KIF1B: variants seen among roughly 807,000 people sequenced by gnomAD.
The protein encoded by KIF1B is kinesin family member 1B.
Under a neutral mutation model 241.9 loss-of-function variants are expected in KIF1B, and 76 were observed. The ratio of observed to expected loss-of-function variants is 0.31; its 90% CI spans 0.26 to 0.38. The LOEUF (loss-of-function observed/expected upper bound fraction) is 0.38. Ranked by LOEUF, KIF1B falls within the 10% of genes least tolerant of loss-of-function variation. KIF1B has a pLI of 1.00. For synonymous variants in KIF1B, 750 were observed against 796.7 expected (o/e 0.94, Z 0.99); for missense variants, 1,622 against 2,271.4 (o/e 0.71, Z 5.81).
Position 10,303,574 on chromosome 1 carries a change from G to A in KIF1B, c.2115+6328G>A, listed in dbSNP as rs1265101663. The A allele has an allele frequency of 1.2e-6, 2 of 1,614,052 alleles. No homozygotes were observed. The highest frequency in any genetic ancestry group is 1.3e-5 in the African/African-American group (1 of 74,914). ...GGCCAGGGACGTCTGGGATACCGTC[G>A]GTGTTGGGGATGAGAAGATCGAAGA... On this transcript the variant is annotated intron_variant, in intron 22 of 48. Coordinates refer to ENST00000676179, the MANE Select transcript of KIF1B (RefSeq NM_001365951.3). This position sits in a 1 kb window ranked among gnomAD's most constrained non-coding sequence, Gnocchi z 5.2.
chr1:10,369,467 A>T (rs1051068608), intron 44 of KIF1B, among the ~76,000 whole-genome samples: 1 of 152,180 alleles, frequency 6.6e-6, no homozygotes, highest in African/African-American at 2.4e-5. Flanking sequence ...CCCTATCTCT[A>T]CAAAAAAATT....
Position 10,374,838 on chromosome 1 carries a change from A to T in KIF1B, c.5097-16A>T. On this transcript the variant is annotated splice_polypyrimidine_tract_variant and intron_variant, in intron 46 of 48. Transcript: ENST00000676179. The surrounding 1 kb of genome is among the most constrained non-coding windows in gnomAD (Gnocchi z 4.3). ...TTTTTGTGAGAAACTAACTTTTGTC[A>T]TATTGTCGTTTTTAGCTCAGTGGTC... The T allele has an allele frequency of 6.2e-7, 1 of 1,612,990 alleles. No individual in the cohort carries two copies. Among genetic ancestry groups the T allele is most frequent in the South Asian group, 1.1e-5 (1 of 91,050 alleles).
rs774131376 is a variant in KIF1B, at chr1:10,291,102, T to C, written c.1455T>C (p.Ala485=). 6.2e-7 allele frequency: 1 copy of C among 1,613,540 alleles called. No homozygotes were observed. ...CTTAGGAATCAGAGAAGATCATTGC[T>C]GAGTTGAATGAAACTTGGGAAGAGA... ...ERLKESEKII[A]ELNETWEEKL... The change falls in exon 16 of 49, where the codon GCT becomes GCC. Residue 485 remains alanine (A), a synonymous_variant. Transcript: ENST00000676179.
At chr1:10,350,421 G>A (rs568990974) in intron 37 of KIF1B, among the ~76,000 whole-genome samples, 21 of 152,274 alleles carry the variant, frequency 1.4e-4, no homozygotes, top group Admixed American at 1.3e-3. Flanking sequence ...TTAGCCAGGC[G>A]TGGTGGTGGG....
intron 27 of KIF1B, among the ~76,000 whole-genome samples, chr1:10,329,648 G>T (rs1651846695): frequency 6.6e-6 from 1 of 152,104 alleles, no homozygotes; most frequent in East Asian, 1.9e-4. Flanking sequence ...CAGGAGAATT[G>T]CTTGAACCCG....
rs192671253 is a variant in KIF1B, at chr1:10,291,491, A to G, written c.1514+330A>G. Among the ~76,000 whole-genome samples, 3 of 152,220 alleles carry G rather than the reference A, an allele frequency of 2.0e-5. No homozygotes were observed. In the South Asian group the frequency reaches 6.2e-4, roughly 32 times the overall value. ...TTTGGGAGGCTGAGGTGGGCAGATC[A>G]CGAGGTCGGGAGATCGAGACCATCC... is the stretch of plus-strand genomic sequence containing the variant. On this transcript the variant is annotated intron_variant, in intron 16 of 48. Transcript: ENST00000676179.
At chr1:10,287,397 A>G (rs752299291) in intron 15 of KIF1B, among the ~76,000 whole-genome samples, 29 of 152,108 alleles carry the variant, frequency 1.9e-4, no homozygotes, top group East Asian at 1.9e-4. Flanking sequence ...GGGTTTCACC[A>G]TGTGAGCCAG....
At chr1:10,369,310 AGG>A (rs1212751576) in intron 44 of KIF1B, among the ~76,000 whole-genome samples, 1 of 152,220 alleles carries the variant, frequency 6.6e-6, no homozygotes, top group Non-Finnish European at 1.5e-5. Context: ...AGTACATGGA[AGG>A]TGCACCACTG....
chr1:10,370,990 T>C (rs1638717154), intron 44 of KIF1B, 151 bp from the exon 45 acceptor site: 1 of 886,222 alleles, frequency 1.1e-6, no homozygotes, highest in African/African-American at 1.7e-5. Context: ...TATTTATTTA[T>C]TGATAAATTA....
At chr1:10,333,784 C>CT (rs1652052530) in intron 27 of KIF1B, among the ~76,000 whole-genome samples, 1 of 152,082 alleles carries the variant, frequency 6.6e-6, no homozygotes, top group African/African-American at 2.4e-5. Context: ...ATTTCCCTGC[C>CT]TTTTTTGTCT....
intron 2 of KIF1B, among the ~76,000 whole-genome samples, chr1:10,248,316 C>T (rs1327391759): frequency 6.6e-6 from 1 of 152,110 alleles, no homozygotes; most frequent in East Asian, 1.9e-4. Flanking sequence ...CTTTCTGCCT[C>T]AGCTTCCTGA....
chr1:10,343,412 C>T, intron 34 of KIF1B, 125 bp downstream of exon 34: 1 of 912,902 alleles, frequency 1.1e-6, no homozygotes, highest in Non-Finnish European at 1.8e-6. Flanking sequence ...TGTATTCCTG[C>T]TCCTCTTGTA....
In KIF1B at chr1:10,326,075, C is replaced by T; in HGVS notation, c.2676-36C>T. 2 of 1,613,006 alleles carry T rather than the reference C, an allele frequency of 1.2e-6. No homozygotes were observed. ...TGTTTAACCAACTATTCCTCTCTCCCTGGCTGTGTTAATTGGCGTCTTACC... is the reference window on the plus strand; with the variant it reads ...TGTTTAACCAACTATTCCTCTCTCCTTGGCTGTGTTAATTGGCGTCTTACC... On this transcript the variant is annotated intron_variant, in intron 26 of 48. Transcript: ENST00000676179. The surrounding 1 kb of genome is among the most constrained non-coding windows in gnomAD (Gnocchi z 5.2).
intron 5 of KIF1B, 56 bp from the exon 6 acceptor site, chr1:10,267,324 G>A (rs967312320): frequency 5.7e-5 from 89 of 1,548,134 alleles, no homozygotes; most frequent in African/African-American, 1.4e-4. Context: ...CACCGCGCCC[G>A]GCTTCTGTAT....
At chr1:10,222,455 G>A (rs969116501) in intron 1 of KIF1B, among the ~76,000 whole-genome samples, 2 of 152,146 alleles carry the variant, frequency 1.3e-5, no homozygotes, top group Non-Finnish European at 2.9e-5. Flanking sequence ...TTAAGGAGAG[G>A]CAATGGCATG....
intron 15 of KIF1B, among the ~76,000 whole-genome samples, chr1:10,284,224 G>A (rs1225379128): frequency 6.6e-6 from 1 of 151,900 alleles, no homozygotes; most frequent in East Asian, 1.9e-4. Context: ...GAGTGACAGA[G>A]CAAGACTCTA....
intron 27 of KIF1B, among the ~76,000 whole-genome samples, chr1:10,328,070 G>T (rs11121540): frequency 0.028 from 4,324 of 152,150 alleles, 71 homozygotes; most frequent in African/African-American, 0.045. Flanking sequence ...CATGCCTGTA[G>T]TCCCAGCTCC....
chr1:10,244,433 G>A (rs1647178507), intron 2 of KIF1B, among the ~76,000 whole-genome samples: 1 of 150,148 alleles, frequency 6.7e-6, no homozygotes, highest in Non-Finnish European at 1.5e-5. Context: ...TCCTGCCTCA[G>A]CCTACCAAGT....
chr1:10,252,498 C>T (rs993825241), intron 2 of KIF1B, among the ~76,000 whole-genome samples: 3 of 151,834 alleles, frequency 2.0e-5, no homozygotes, highest in African/African-American at 4.8e-5. Context: ...GCAGCCTGGA[C>T]CTCCCTGGGC....
Sources: allele counts gnomAD v4.1 joint callset (sites outside exome capture counted in the v4.1 genomes callset), GRCh38; gene constraint gnomAD v4.1.1; non-coding constraint Gnocchi (gnomAD v3.1); transcripts MANE v1.5; gene names NCBI Gene and HGNC (gene_info 2026-07-23, HGNC 2026-07-21).